Variants in ABCA6 observed in about 807,000 individuals in gnomAD.
ABCA6 encodes ATP-binding cassette sub-family A member 6.
Under a neutral mutation model 191.2 loss-of-function variants are expected in ABCA6, and 164 were observed. The ratio of observed to expected loss-of-function variants is 0.86; its 90% CI spans 0.76 to 0.98. ABCA6 has a LOEUF of 0.98. Ranked by LOEUF, ABCA6 falls within the 50% of genes least tolerant of loss-of-function variation. ABCA6 has a pLI of 0.00. For missense variants in ABCA6, 1,958 were observed against 1,894.1 expected (o/e 1.03, Z -0.63); for synonymous variants, 636 against 647.7 (o/e 0.98, Z 0.27).
In ABCA6 at chr17:69,078,808, T is replaced by C. The variant is rs1289092723; in HGVS notation, c.*165A>G. 12 of 478,084 alleles carry C rather than the reference T, an allele frequency of 2.5e-5. No homozygotes were observed. Among genetic ancestry groups the C allele is most frequent in the Non-Finnish European group, 4.3e-5 (12 of 278,128 alleles). 29.6% of individuals were successfully genotyped at this position (478,084 alleles called of 1,614,324 possible). On this transcript the variant is annotated 3_prime_UTR_variant, in exon 39 of 39. Transcript: ENST00000284425. ...TATCACAGGTTTGCTATCACCCCTATGTTTGAGAGGAAGAATAATTTTAAA... is the reference window on the plus strand; with the variant it reads ...TATCACAGGTTTGCTATCACCCCTACGTTTGAGAGGAAGAATAATTTTAAA...
intron 16 of ABCA6, 110 bp downstream of exon 16, chr17:69,112,073 C>T: frequency 1.3e-6 from 1 of 793,272 alleles, no homozygotes; most frequent in Non-Finnish European, 2.2e-6. Flanking sequence ...ACTGATCAAT[C>T]CAGTATGGTA....
chr17:69,081,332 C>T (rs8082114), intron 36 of ABCA6, among the ~76,000 whole-genome samples, 187 bp from the exon 37 acceptor site: 120,145 of 152,158 alleles, frequency 0.79, 50,765 homozygotes, highest in Non-Finnish European at 0.94. Flanking sequence ...TTGCAGACAG[C>T]TCTCCTGGTA....
At chr17:69,117,597 G>A (rs981069209) in intron 11 of ABCA6, among the ~76,000 whole-genome samples, 2 of 151,886 alleles carry the variant, frequency 1.3e-5, no homozygotes, top group African/African-American at 2.4e-5. Flanking sequence ...CAGTCTAGAT[G>A]TTCTTTCCTC....
chr17:69,108,129 G>A lies in ABCA6; in HGVS notation c.2273-317C>T, dbSNP rs577912684. The A allele has an allele frequency of 2.1e-4, 56 of 260,766 alleles. No homozygotes were observed. The South Asian group carries it at 2.7e-3, about 12-fold the overall frequency. 16.2% of individuals were successfully genotyped at this position (260,766 alleles called of 1,614,324 possible). A position where few individuals can be genotyped will look rare whatever the true frequency, so the allele number is the denominator to read the frequency against. ...TCTCACCTCCACACTACAAACCCAC[G>A]TATATCTCTACCTATATTCTGGGTC... On this transcript the variant is annotated intron_variant, in intron 17 of 38. Transcript: ENST00000284425.
In ABCA6 at chr17:69,124,241, A is replaced by G. The variant is rs376667244; in HGVS notation, c.1267+647T>C. Among the ~76,000 whole-genome samples, 280 of 152,154 alleles carry G rather than the reference A, an allele frequency of 1.8e-3. 1 individual carries two copies. The highest frequency in any genetic ancestry group is 6.5e-3 in the African/African-American group (270 of 41,570). ...AAGTCACAGAAAGACAGGAATATAT[A>G]CAAGTAAATACATAGAAAACCTATA... On this transcript the variant is annotated intron_variant, in intron 9 of 38. Coordinates refer to ENST00000284425, the MANE Select transcript of ABCA6 (RefSeq NM_080284.3).
At chr17:69,085,832 A>T in intron 30 of ABCA6, 116 bp from the exon 31 acceptor site, 1 of 699,578 alleles carries the variant, frequency 1.4e-6, no homozygotes, top group Non-Finnish European at 2.5e-6. Context: ...CCATTTTGAG[A>T]TTGATAACAT....
At chr17:69,091,978 A>G (rs1291735564) in intron 25 of ABCA6, among the ~76,000 whole-genome samples, 1 of 152,208 alleles carries the variant, frequency 6.6e-6, no homozygotes, top group Non-Finnish European at 1.5e-5. Flanking sequence ...CAAACAATCC[A>G]TACTGTCTCT....
At chr17:69,096,022 T>C (rs1187296269) in intron 25 of ABCA6, among the ~76,000 whole-genome samples, 1 of 152,212 alleles carries the variant, frequency 6.6e-6, no homozygotes, top group Non-Finnish European at 1.5e-5. Flanking sequence ...TCAGGTCTTC[T>C]GTAAGATTCT....
chr17:69,129,589 G>A, intron 7 of ABCA6, 21 bp downstream of exon 7: 1 of 1,561,136 alleles, frequency 6.4e-7, no homozygotes, highest in South Asian at 1.2e-5. Flanking sequence ...AGAGAAAGTG[G>A]TAATAAATGT....
chr17:69,107,466 A>G (rs1365517267), intron 18 of ABCA6, among the ~76,000 whole-genome samples: 1 of 152,160 alleles, frequency 6.6e-6, no homozygotes, highest in Non-Finnish European at 1.5e-5. Flanking sequence ...GGAACATCTG[A>G]GGATAGGAAA....
At chr17:69,083,712 T>C (rs566948464) in intron 34 of ABCA6, among the ~76,000 whole-genome samples, 1 of 152,282 alleles carries the variant, frequency 6.6e-6, no homozygotes, top group South Asian at 2.1e-4. Flanking sequence ...TTCTCTACAT[T>C]TGTATAAAAT....
chr17:69,114,308 G>A (rs913841735), intron 13 of ABCA6, among the ~76,000 whole-genome samples: 5 of 150,186 alleles, frequency 3.3e-5, no homozygotes, highest in Admixed American at 6.7e-5. Flanking sequence ...GCAAACTATC[G>A]CAAGGACAAA....
At chr17:69,129,440 A>T (rs932673178) in intron 7 of ABCA6, among the ~76,000 whole-genome samples, 170 bp downstream of exon 7, 1 of 152,180 alleles carries the variant, frequency 6.6e-6, no homozygotes, top group South Asian at 2.1e-4. Flanking sequence ...TTTGGATTAC[A>T]TAACTTTTTC....
chr17:69,085,742 T>A (rs1202157900), intron 30 of ABCA6, 26 bp from the exon 31 acceptor site: 1 of 1,483,740 alleles, frequency 6.7e-7, no homozygotes, highest in Non-Finnish European at 9.4e-7. Flanking sequence ...AGACTATCAA[T>A]ATTGGAAGTG....
In ABCA6 at chr17:69,113,693, A is replaced by ATCTTGAATGTTTTGCATGTCCAATTCC. The variant is rs752885263; in HGVS notation, c.1800_1826dup (p.Gln608_Asp609insGluGluLeuAspMetGlnAsnIleGln). On this transcript the variant is annotated inframe_insertion, in exon 14 of 39. Transcript: ENST00000284425. ...CTTCACTTAAATGTTTAGCAAGGTT[A>ATCTTGAATGTTTTGCATGTCCAATTCC]TCTTGAATGTTTTGCATGTCCAATT... The ATCTTGAATGTTTTGCATGTCCAATTCC allele has an allele frequency of 1.6e-5, 26 of 1,612,752 alleles. No homozygotes were observed. Among genetic ancestry groups the ATCTTGAATGTTTTGCATGTCCAATTCC allele is most frequent in the Admixed American group, 3.3e-5 (2 of 59,844 alleles).
chr17:69,081,537 C>T (rs1555645062), intron 36 of ABCA6, among the ~76,000 whole-genome samples: 1 of 151,990 alleles, frequency 6.6e-6, no homozygotes, highest in Non-Finnish European at 1.5e-5. Context: ...TTCTTTATTT[C>T]TTACATTTCC....
At chr17:69,096,450 G>C in intron 24 of ABCA6, 97 bp from the exon 25 acceptor site, 2 of 822,970 alleles carry the variant, frequency 2.4e-6, no homozygotes, top group Non-Finnish European at 1.7e-6. Context: ...CCTGGCATAA[G>C]TATAAAACAT....
intron 14 of ABCA6, 46 bp downstream of exon 14, chr17:69,113,572 T>C (rs746818082): frequency 3.7e-6 from 6 of 1,611,444 alleles, no homozygotes; most frequent in Non-Finnish European, 5.1e-6. Context: ...CTTGACATTT[T>C]GCAGACATTC....
rs771895796 is a variant in ABCA6 at position 69,096,362 on chromosome 17, A to G, written c.3295-9T>C. On this transcript the variant is annotated splice_polypyrimidine_tract_variant and intron_variant, in intron 24 of 38. Transcript: ENST00000284425. ...CCAGGAGTAACTATAACCTGAGCATAAAAGAAATAATAACATAGTCAAAAA... is the reference window on the plus strand; with the variant it reads ...CCAGGAGTAACTATAACCTGAGCATGAAAGAAATAATAACATAGTCAAAAA... The G allele has an allele frequency of 2.2e-6, 3 of 1,367,346 alleles. No individual in the cohort carries two copies. The highest frequency in any genetic ancestry group is 3.0e-6 in the Non-Finnish European group (3 of 1,008,326). The allele number at this position is 1,367,346 out of a possible 1,614,324, so 84.7% of individuals were successfully genotyped here.
Sources: gnomAD v4.1 joint callset for allele counts (sites outside exome capture counted in the v4.1 genomes callset) on GRCh38, gnomAD v4.1.1 for gene constraint, MANE v1.5 for transcripts, NCBI Gene and HGNC (gene_info 2026-07-23, HGNC 2026-07-21) for gene names.